Variants in FARS2 observed in about 807,000 individuals in gnomAD.
The protein encoded by FARS2 is phenylalanyl-tRNA synthetase 2, mitochondrial, also known as phenylalanine--tRNA ligase, mitochondrial.
A neutral mutation model predicts 46.4 loss-of-function variants in FARS2; 40 were observed. That is an observed-to-expected ratio of 0.86 (90% CI 0.67 to 1.12). The LOEUF is 1.12. Ranked by LOEUF, FARS2 falls within the 50% of genes most tolerant of loss-of-function variation. FARS2 has a pLI of 0.00. For missense variants in FARS2, 513 were observed against 567.9 expected (o/e 0.90, Z 0.98); for synonymous variants, 234 against 214.9 (o/e 1.09, Z -0.78).
intron 6 of FARS2, among the ~76,000 whole-genome samples, chr6:5,639,747 C>T (rs1776718250): frequency 6.6e-6 from 1 of 152,332 alleles, no homozygotes; most frequent in South Asian, 2.1e-4. Flanking sequence ...ATTGTACTTA[C>T]AACACTTCGT....
intron 2 of FARS2, among the ~76,000 whole-genome samples, chr6:5,399,713 A>G (rs1761138626): frequency 6.6e-6 from 1 of 152,156 alleles, no homozygotes; most frequent in Non-Finnish European, 1.5e-5. Flanking sequence ...CTTACATGAA[A>G]GGTAGCAAGT....
chr6:5,650,122 G>A (rs1313908778), intron 6 of FARS2, among the ~76,000 whole-genome samples: 1 of 152,058 alleles, frequency 6.6e-6, no homozygotes, highest in East Asian at 1.9e-4. Flanking sequence ...AAGAATTCAC[G>A]GAGCAAAAGT....
chr6:5,713,328 A>T (rs1355994804), intron 6 of FARS2, among the ~76,000 whole-genome samples: 1 of 152,242 alleles, frequency 6.6e-6, no homozygotes, highest in African/African-American at 2.4e-5. Context: ...TTTCCAAACC[A>T]GGGGAATACA....
chr6:5,400,877 GT>G (rs1562013035), intron 2 of FARS2, among the ~76,000 whole-genome samples: 1 of 151,908 alleles, frequency 6.6e-6, no homozygotes, highest in Non-Finnish European at 1.5e-5. Context: ...ATTCATAAGT[GT>G]TATACCTTCA....
intron 5 of FARS2, among the ~76,000 whole-genome samples, chr6:5,554,688 A>C (rs1771555653): frequency 6.6e-6 from 1 of 152,220 alleles, no homozygotes; most frequent in Admixed American, 6.5e-5. Context: ...GCTTTTATGC[A>C]TCACAGTGGA....
chr6:5,632,731 C>T (rs1471611025), intron 6 of FARS2, among the ~76,000 whole-genome samples: 1 of 149,906 alleles, frequency 6.7e-6, no homozygotes, highest in East Asian at 2.0e-4. Context: ...TCCCTGATGA[C>T]TAAATGATGT....
intron 6 of FARS2, among the ~76,000 whole-genome samples, chr6:5,709,986 C>T (rs1192414167): frequency 6.6e-6 from 1 of 152,142 alleles, no homozygotes; most frequent in Non-Finnish European, 1.5e-5. Flanking sequence ...TGTGCTGCCA[C>T]GCATATCATT....
chr6:5,313,990 G>T (rs527356186), intron 1 of FARS2, among the ~76,000 whole-genome samples: 1 of 152,254 alleles, frequency 6.6e-6, no homozygotes, highest in East Asian at 1.9e-4. Flanking sequence ...AGATTACAAC[G>T]TATAGCAACA....
chr6:5,449,352 C>CAA (rs5873985), intron 4 of FARS2, among the ~76,000 whole-genome samples: 92,360 of 120,606 alleles, frequency 0.77, 35,135 homozygotes, highest in East Asian at 0.89. Flanking sequence ...GACTCCATCT[C>CAA]AAAAAAAAAA....
chr6:5,735,072 T>C (rs1760867214), intron 6 of FARS2, among the ~76,000 whole-genome samples: 1 of 152,214 alleles, frequency 6.6e-6, no homozygotes, highest in South Asian at 2.1e-4. Context: ...TGCAAAACAG[T>C]ATTATTAGTT....
intron 6 of FARS2, among the ~76,000 whole-genome samples, chr6:5,759,607 C>A (rs369326765): frequency 6.6e-6 from 1 of 152,106 alleles, no homozygotes. Flanking sequence ...GGGTCCCTTT[C>A]GACTCTGACC....
chr6:5,465,165 C>G (rs1765445090), intron 4 of FARS2, among the ~76,000 whole-genome samples: 8 of 152,056 alleles, frequency 5.3e-5, no homozygotes, highest in Admixed American at 4.6e-4. Context: ...AAGTACTAGT[C>G]AAATCTATTT....
chr6:5,601,644 C>T (rs963055441), intron 5 of FARS2, among the ~76,000 whole-genome samples: 9 of 151,594 alleles, frequency 5.9e-5, no homozygotes, highest in Non-Finnish European at 1.2e-4. Flanking sequence ...CACTTACTGG[C>T]TGTTGGACCT....
At chr6:5,432,357 ATATATAATATATTATATAT>A (rs1763249753) in intron 4 of FARS2, among the ~76,000 whole-genome samples, 1 of 110,180 alleles carries the variant, frequency 9.1e-6, no homozygotes, top group Non-Finnish European at 1.8e-5. Context: ...TATATTATAT[ATATATAATATATTATATAT>A]TTATATATTA....
chr6:5,271,001 G>T (rs1765906041), intron 1 of FARS2, among the ~76,000 whole-genome samples: 1 of 152,250 alleles, frequency 6.6e-6, no homozygotes, highest in South Asian at 2.1e-4. Context: ...ATGGTGAATT[G>T]CTCTTCAGCT....
chr6:5,261,448 A>G (rs2773320), upstream of FARS2: 54,586 of 152,582 alleles, frequency 0.36, 11,822 homozygotes, highest in African/African-American at 0.62. Flanking sequence ...TGTGGAGGTG[A>G]TGAGCTAGGG....
intron 3 of FARS2, among the ~76,000 whole-genome samples, chr6:5,427,809 G>A (rs1762935026): frequency 2.0e-5 from 3 of 152,198 alleles, no homozygotes; most frequent in South Asian, 4.2e-4. Flanking sequence ...GGCTTGTGGT[G>A]GCTGAGATCT....
intron 2 of FARS2, among the ~76,000 whole-genome samples, chr6:5,375,433 A>G (rs1759315649): frequency 6.6e-6 from 1 of 152,032 alleles, no homozygotes; most frequent in South Asian, 2.1e-4. Context: ...GAGATTTACC[A>G]TATTTGTAGA....
intron 3 of FARS2, among the ~76,000 whole-genome samples, chr6:5,421,344 T>C (rs7740557): frequency 3.9e-5 from 6 of 152,204 alleles, no homozygotes; most frequent in Non-Finnish European, 5.9e-5. Flanking sequence ...ACTTTTTCCT[T>C]GTAGGCCTCC....
Sources: gnomAD v4.1 joint callset for allele counts (sites outside exome capture counted in the v4.1 genomes callset) on GRCh38, gnomAD v4.1.1 for gene constraint, MANE v1.5 for transcripts, NCBI Gene and HGNC (gene_info 2026-07-23, HGNC 2026-07-21) for gene names.